Variants in AKT3 observed in about 807,000 individuals in gnomAD.
AKT3 encodes the protein RAC-gamma serine/threonine-protein kinase.
In AKT3, 15 loss-of-function variants were observed where a neutral mutation model predicts 65.3. The observed-to-expected ratio is 0.23, with a 90% CI of 0.15 to 0.35. The LOEUF is 0.35. Ranked by LOEUF, AKT3 falls within the 10% of genes least tolerant of loss-of-function variation. The pLI is 1.00. For missense variants in AKT3, 243 were observed against 576.5 expected, an observed-to-expected ratio of 0.42 and a Z score of 5.92; for synonymous variants, 206 against 183.8, an observed-to-expected ratio of 1.12 and a Z score of -0.98.
chr1:243,837,026 G>A (rs188729767), intron 2 of AKT3, among the ~76,000 whole-genome samples: 12 of 151,552 alleles, frequency 7.9e-5, no homozygotes, highest in Admixed American at 2.6e-4. Context: ...AGGAGATATC[G>A]CTAAGATCTT....
intron 3 of AKT3, among the ~76,000 whole-genome samples, chr1:243,676,587 G>C (rs1369899954): frequency 4.6e-5 from 7 of 151,986 alleles, no homozygotes; most frequent in East Asian, 1.9e-4. Flanking sequence ...TATCCAAAAG[G>C]GTTTTGTTTT....
chr1:243,819,067 G>A (rs560168758), intron 2 of AKT3, among the ~76,000 whole-genome samples: 4 of 152,352 alleles, frequency 2.6e-5, no homozygotes, highest in East Asian at 1.9e-4. Context: ...AGGGCCTTGC[G>A]TGCCAAGCGC....
At chr1:243,660,560 T>C (rs1682227619) in intron 4 of AKT3, among the ~76,000 whole-genome samples, 1 of 152,182 alleles carries the variant, frequency 6.6e-6, no homozygotes, top group Admixed American at 6.5e-5. Context: ...GGGATGTATC[T>C]CAAAATAATA....
rs137930831 is a variant in AKT3, at chr1:243,764,012, T to G, written c.47-68296A>C. On this transcript the variant is annotated intron_variant, in intron 2 of 13. Transcript: ENST00000673466. ...GGCTCTGCAGCACAACAGAAACATT[T>G]TTACCCTGAACTCGGATTTCACTGC... is the stretch of plus-strand genomic sequence containing the variant. Among the ~76,000 whole-genome samples, 46 of 152,198 alleles carry G rather than the reference T, an allele frequency of 3.0e-4. 1 individual carries two copies. The East Asian group carries it at 8.7e-3, about 29-fold the overall frequency.
chr1:243,492,345 G>A (rs1275408946), intron 13 of AKT3, among the ~76,000 whole-genome samples: 3 of 107,798 alleles, frequency 2.8e-5, no homozygotes, highest in African/African-American at 3.6e-5. Flanking sequence ...TCCGTCACCC[G>A]GACTGGAGTA....
chr1:243,796,177 G>C (rs774676253), intron 2 of AKT3, among the ~76,000 whole-genome samples: 22 of 152,180 alleles, frequency 1.4e-4, no homozygotes, highest in Non-Finnish European at 3.1e-4. Context: ...AGCAGCTTCT[G>C]TCTCCTGTTG....
chr1:243,744,293 G>A lies in AKT3; in HGVS notation c.47-48577C>T, dbSNP rs1688338719. On this transcript the variant is annotated intron_variant, in intron 2 of 13. Transcript: ENST00000673466. ...GCTTGGTGGGACATAGTGACTGTAA[G>A]GGTAGAGGAAGGGAAGGCTTATAAG... Among the ~76,000 whole-genome samples, 3 of 152,258 alleles carry A rather than the reference G, an allele frequency of 2.0e-5. No homozygotes were observed. In the South Asian group the frequency reaches 6.2e-4, roughly 32 times the overall value.
chr1:243,653,388 T>C (rs1471486866), intron 4 of AKT3, among the ~76,000 whole-genome samples: 1 of 152,282 alleles, frequency 6.6e-6, no homozygotes, highest in South Asian at 2.1e-4. Context: ...CAGGACCAGA[T>C]GGATTCACAG....
chr1:243,669,153 C>T (rs927655201), intron 3 of AKT3, among the ~76,000 whole-genome samples: 6 of 152,182 alleles, frequency 3.9e-5, no homozygotes, highest in African/African-American at 1.4e-4. Flanking sequence ...CCATATCCTT[C>T]TTTTCAAAAG....
intron 8 of AKT3, among the ~76,000 whole-genome samples, chr1:243,574,989 C>G (rs537378079): frequency 6.6e-6 from 1 of 152,198 alleles, no homozygotes; most frequent in East Asian, 1.9e-4. Context: ...TGTCTGCCAG[C>G]CAATTTCTAT....
At chr1:243,686,653 T>TATATATATATATATATATA (rs1684343018) in intron 3 of AKT3, among the ~76,000 whole-genome samples, 9 of 11,564 alleles carry the variant, frequency 7.8e-4, no homozygotes, top group Non-Finnish European at 1.1e-3. Flanking sequence ...ATATATATAT[T>TATATATATATATATATATA]TTTTTTTTTT....
intron 8 of AKT3, among the ~76,000 whole-genome samples, chr1:243,574,526 A>C (rs1425395506): frequency 1.3e-5 from 2 of 152,202 alleles, no homozygotes; most frequent in Admixed American, 6.5e-5. Context: ...TAAAACTATA[A>C]CACATGATCT....
At position 243,818,137 on chromosome 1, in the gene AKT3, T is replaced by G. The variant is rs959026427; in HGVS notation, c.46+24988A>C. On this transcript the variant is annotated intron_variant, in intron 2 of 13. Coordinates refer to ENST00000673466, the MANE Select transcript of AKT3 (RefSeq NM_005465.7). ...TTCTAGAAAGTCAACCCCTGCTTAG[T>G]CTGCACTTCCACAGCACTTTATACA... The G allele has an allele frequency of 3.3e-5, 5 of 152,356 alleles. No individual in the cohort carries two copies. In the East Asian group the frequency reaches 9.6e-4, roughly 29 times the overall value. The allele number at this position is 152,356 out of a possible 1,614,324, so 9.4% of individuals were successfully genotyped here.
intron 6 of AKT3, 112 bp downstream of exon 6, chr1:243,637,499 T>C (rs1445122675): frequency 1.7e-5 from 14 of 811,258 alleles, no homozygotes; most frequent in Non-Finnish European, 2.2e-5. Flanking sequence ...TCTACAACCA[T>C]ATTTTGGTTG....
At chr1:243,688,165 G>T (rs1287793959) in intron 3 of AKT3, among the ~76,000 whole-genome samples, 1 of 151,722 alleles carries the variant, frequency 6.6e-6, no homozygotes, top group African/African-American at 2.4e-5. Flanking sequence ...AGAAAAAAAA[G>T]AAAGCACCAA....
intron 2 of AKT3, among the ~76,000 whole-genome samples, chr1:243,718,395 T>C (rs535314735): frequency 1.3e-5 from 2 of 152,332 alleles, no homozygotes; most frequent in Admixed American, 6.5e-5. Context: ...ATCTTCACTT[T>C]AAAGTTTTTT....
At chr1:243,839,853 CAT>C (rs1263233949) in intron 2 of AKT3, among the ~76,000 whole-genome samples, 1 of 144,816 alleles carries the variant, frequency 6.9e-6, no homozygotes, top group African/African-American at 2.6e-5. Flanking sequence ...AGACGGAGAA[CAT>C]GACTCCATCT....
chr1:243,834,307 T>C (rs997751156), intron 2 of AKT3, among the ~76,000 whole-genome samples: 2 of 152,070 alleles, frequency 1.3e-5, no homozygotes, highest in Non-Finnish European at 1.5e-5. Flanking sequence ...ATACACACCA[T>C]GGAATATTAT....
rs114811107 is a variant in AKT3, at chr1:243,680,588, C to T, written c.172+15003G>A. On this transcript the variant is annotated intron_variant, in intron 3 of 13. Transcript: ENST00000673466. ...AACTTTACTCAAAGTATAATAAACGCTTTTAAATTAAAATAAAGATATAGG... is the reference window on the plus strand; with the variant it reads ...AACTTTACTCAAAGTATAATAAACGTTTTTAAATTAAAATAAAGATATAGG... 4.6e-3 allele frequency among the ~76,000 whole-genome samples: 694 copies of T among 152,078 alleles called. 5 individuals carry two copies. Among genetic ancestry groups the T allele is most frequent in the African/African-American group, 0.016 (668 of 41,476 alleles).
Sources: allele counts gnomAD v4.1 joint callset (sites outside exome capture counted in the v4.1 genomes callset), GRCh38; gene constraint gnomAD v4.1.1; transcripts MANE v1.5; gene names NCBI Gene and HGNC (gene_info 2026-07-23, HGNC 2026-07-21).